The following PHRF1 variants were observed in gnomAD, a reference collection of about 807,000 sequenced individuals.
The protein encoded by PHRF1 is PHD and RING finger domain-containing protein 1.
PHRF1 carries 53 observed loss-of-function variants against 128.9 expected under a neutral mutation model. That is an observed-to-expected ratio of 0.41 (90% confidence interval 0.33 to 0.52). PHRF1 has a LOEUF of 0.52. PHRF1 is among the 20% of genes least tolerant of loss of function. The pLI is 0.21. For synonymous variants in PHRF1, 1,178 were observed against 980.6 expected, an observed-to-expected ratio of 1.20 and a Z score of -3.76; for missense variants, 2,503 against 2,284.5, an observed-to-expected ratio of 1.10 and a Z score of -1.95.
Position 601,598 on chromosome 11 carries a change from G to C in PHRF1, c.1049G>C (p.Arg350Thr). ...GGAAGACGGAAGAAAGTGCCGGGAA[G>C]AAAGAAAACCCCGTCCGGACCATCC... ...KTRRRKKVPGRKKTPSGPSAK... is the reference protein window; with the variant it reads ...KTRRRKKVPGTKKTPSGPSAK... Residue 350 changes from arginine (R) to threonine (T), a missense_variant, in exon 10 of 18, where the codon AGA (arginine) becomes ACA (threonine). Transcript: ENST00000264555. The C allele has an allele frequency of 6.2e-7, 1 of 1,613,712 alleles. No individual in the cohort carries two copies. Among genetic ancestry groups the C allele is most frequent in the Non-Finnish European group, 8.5e-7 (1 of 1,179,870 alleles).
rs530601907 is a variant in PHRF1 at position 582,155 on chromosome 11, C to T, written c.214+74C>T. On this transcript the variant is annotated intron_variant, in intron 3 of 17. Coordinates refer to ENST00000264555, the MANE Select transcript of PHRF1 (RefSeq NM_001286581.2). ...ATGGGGACAGCCTTTTATAACACAT[C>T]CTCCGTGAGAGTGCTGTCACCACAG... 3.2e-5 allele frequency: 49 copies of T among 1,542,600 alleles called. No homozygotes were observed. In the African/African-American group the frequency reaches 3.7e-4, roughly 12 times the overall value.
chr11:591,507 C>T, intron 5 of PHRF1, 40 bp downstream of exon 5: 1 of 1,518,202 alleles, frequency 6.6e-7, no homozygotes, highest in Admixed American at 2.0e-5. Context: ...AGCCGTGCTT[C>T]TATCCCGGCC....
rs761762848 is a variant in PHRF1, at chr11:610,638, G to A, written c.4554G>A (p.Leu1518=). The stretch of plus-strand genomic sequence containing the variant: ...TGGGCTGTGGGGCAGCACAGACCCT[G>A]GCCCCAGTGCCCGCTGCCCTGACCC... ...PLVGCGAAQT[L]APVPAALTPA... Residue 1518 remains leucine (L), a synonymous_variant, in exon 16 of 18, where the codon CTG becomes CTA. Transcript: ENST00000264555. 89 of 1,605,056 alleles carry A rather than the reference G, an allele frequency of 5.5e-5. No individual in the cohort carries two copies. The highest frequency in any genetic ancestry group is 7.1e-5 in the Non-Finnish European group (84 of 1,179,824).
In PHRF1 at chr11:581,620, C is replaced by T. The variant is rs760899731; in HGVS notation, c.94+14C>T. On this transcript the variant is annotated intron_variant, in intron 2 of 17. Transcript: ENST00000264555. ...CAGGTGACTTTGGTGAGCTGCCTAG[C>T]GCCGGGTAGGGGCGTCCCCAGGAGG... 11 of 1,606,288 alleles carry T rather than the reference C, an allele frequency of 6.8e-6. No individual in the cohort carries two copies. Among genetic ancestry groups the T allele is most frequent in the African/African-American group, 1.3e-5 (1 of 74,780 alleles).
chr11:584,342 C>T (rs1048240833), intron 3 of PHRF1, among the ~76,000 whole-genome samples: 17 of 152,216 alleles, frequency 1.1e-4, no homozygotes, highest in African/African-American at 3.9e-4. Context: ...ATGCCAGAGA[C>T]TCTGGGTTGG....
intron 10 of PHRF1, among the ~76,000 whole-genome samples, chr11:602,374 C>T (rs1855676032): frequency 6.6e-6 from 1 of 152,078 alleles, no homozygotes; most frequent in Non-Finnish European, 1.5e-5. Flanking sequence ...TTTAAAACAC[C>T]TTAATATGTA....
chr11:576,857 AGACTGGGAGGCCCCGCC>A (rs2134145964), intron 1 of PHRF1, among the ~76,000 whole-genome samples: 1 of 68,696 alleles, frequency 1.5e-5, no homozygotes, highest in African/African-American at 5.4e-5. Flanking sequence ...GGCCCCGCCG[AGACTGGGAGGCCCCGCC>A]GAGACTGGGA....
intron 15 of PHRF1, 51 bp from the exon 16 acceptor site, chr11:610,450 A>G (rs184090243): frequency 0.011 from 17,175 of 1,571,828 alleles, 247 homozygotes; most frequent in South Asian, 0.054. Flanking sequence ...GCTCCTGGGC[A>G]CAGAGCTGCT....
chr11:600,208 C>T (rs972385399), intron 9 of PHRF1, among the ~76,000 whole-genome samples: 1 of 151,502 alleles, frequency 6.6e-6, no homozygotes, highest in African/African-American at 2.4e-5. Context: ...TTCGGTGCAG[C>T]TCATTTTCTG....
chr11:610,089 C>T (rs1856270767), intron 14 of PHRF1, 107 bp from the exon 15 acceptor site: 1 of 1,384,516 alleles, frequency 7.2e-7, no homozygotes, highest in South Asian at 1.5e-5. Flanking sequence ...GAGGGCTGCT[C>T]TGTGGTCCTT....
At position 607,529 on chromosome 11, in the gene PHRF1, T is replaced by C; in HGVS notation, c.2073T>C (p.Gly691=). The change falls in exon 14 of 18, where the codon GGT becomes GGC. Residue 691 remains glycine (G), a synonymous_variant. Transcript: ENST00000264555. ...CAAAGATCAGGAGAGATGACGGTGG[T>C]GGCAGACGGGATGCGGCCCCGGCCC... The part of the protein sequence containing the change: ...RIPKIRRDDG[G]GRRDAAPAHG... 4 of 1,612,670 alleles carry C rather than the reference T, an allele frequency of 2.5e-6. No homozygotes were observed. Among genetic ancestry groups the C allele is most frequent in the Non-Finnish European group, 3.4e-6 (4 of 1,179,880 alleles).
chr11:581,277 T>C (rs1854186362), intron 1 of PHRF1, among the ~76,000 whole-genome samples: 1 of 152,174 alleles, frequency 6.6e-6, no homozygotes, highest in Non-Finnish European at 1.5e-5. Context: ...CTTCACGTGC[T>C]GTGGCGGTGG....
chr11:593,943 C>T (rs1327627405), intron 6 of PHRF1, among the ~76,000 whole-genome samples: 4 of 152,158 alleles, frequency 2.6e-5, no homozygotes, highest in Non-Finnish European at 5.9e-5. Flanking sequence ...TTCCTGGGAG[C>T]GTCTGCTGCC....
chr11:603,729 G>GTT (rs71022937), intron 10 of PHRF1, among the ~76,000 whole-genome samples: 921 of 78,200 alleles, frequency 0.012, 13 homozygotes, highest in African/African-American at 0.02. Flanking sequence ...ATTTAAGTTT[G>GTT]TTTTTTTTTT....
At chr11:604,282 G>A in intron 10 of PHRF1, among the ~76,000 whole-genome samples, 1 of 152,180 alleles carries the variant, frequency 6.6e-6, no homozygotes, top group East Asian at 1.9e-4. Flanking sequence ...TGCAGACAGT[G>A]TTCTGGGACC....
chr11:582,112 G>T, intron 3 of PHRF1, 31 bp downstream of exon 3: 1 of 1,562,368 alleles, frequency 6.4e-7, no homozygotes, highest in South Asian at 1.2e-5. Context: ...GCCGGCTCCT[G>T]TGTTTCCTCT....
chr11:609,311 C>G lies in PHRF1; in HGVS notation c.3855C>G (p.Asp1285Glu). The G allele has an allele frequency of 6.2e-7, 1 of 1,612,580 alleles. No individual in the cohort carries two copies. The highest frequency in any genetic ancestry group is 8.5e-7 in the Non-Finnish European group (1 of 1,179,892). ...ACGCCGTTTTCATCCAGCTCGATGA[C>G]ATGAGCTCGCCACCTTCTCCCGAAA... ...SSDAVFIQLD[D>E]MSSPPSPEST... The change falls in exon 14 of 18, where the codon GAC becomes GAG. Residue 1285 changes from aspartate (D) to glutamate (E), a missense_variant. Coordinates refer to ENST00000264555, the MANE Select transcript of PHRF1 (RefSeq NM_001286581.2).
chr11:601,526 G>A, intron 9 of PHRF1, 48 bp from the exon 10 acceptor site: 1 of 1,611,260 alleles, frequency 6.2e-7, no homozygotes, highest in Non-Finnish European at 8.5e-7. Flanking sequence ...GAATGGGGCA[G>A]GGAGGGCCCA....
At chr11:589,477 T>C (rs143434497) in intron 4 of PHRF1, among the ~76,000 whole-genome samples, 5 of 152,252 alleles carry the variant, frequency 3.3e-5, no homozygotes, top group Non-Finnish European at 7.4e-5. Flanking sequence ...CTGGATATTA[T>C]GATTTATAAA....
Sources: gnomAD v4.1 joint callset for allele counts (sites outside exome capture counted in the v4.1 genomes callset) on GRCh38, gnomAD v4.1.1 for gene constraint, MANE v1.5 for transcripts, NCBI Gene and HGNC (gene_info 2026-07-23, HGNC 2026-07-21) for gene names.